The following MVB12B variants were observed in gnomAD, a reference collection of about 807,000 sequenced individuals.
The protein encoded by MVB12B is ESCRT-I complex subunit MVB12B.
Under a neutral mutation model 41.6 loss-of-function variants are expected in MVB12B, and 16 were observed. The ratio of observed to expected loss-of-function variants is 0.38; its 90% CI spans 0.26 to 0.58. The LOEUF (loss-of-function observed/expected upper bound fraction) is 0.58, where lower values mean the gene tolerates loss of function less well. Among genes scored for constraint, MVB12B ranks in the 20% least tolerant of loss-of-function variants. The pLI is 0.62. For missense variants in MVB12B, 274 were observed against 380.2 expected (o/e 0.72, Z 2.32); for synonymous variants, 133 against 139.7 (o/e 0.95, Z 0.34).
intron 6 of MVB12B, among the ~76,000 whole-genome samples, chr9:126,399,443 C>T (rs1312976731): frequency 6.6e-6 from 1 of 152,190 alleles, no homozygotes; most frequent in East Asian, 1.9e-4. Flanking sequence ...CTTTGTGAGT[C>T]AGCCTTGGGC....
chr9:126,386,458 C>T lies in MVB12B; in HGVS notation c.313-104C>T. On this transcript the variant is annotated intron_variant, in intron 3 of 9. Coordinates refer to ENST00000361171, the MANE Select transcript of MVB12B (RefSeq NM_033446.3). This position sits in a 1 kb window ranked among gnomAD's most constrained non-coding sequence, Gnocchi z 4.3. ...CTCTAATTAACCTGCTGTCATAAAG[C>T]TGCACGAGTCATTGTGTTAAATATG... 1 of 727,266 alleles carries T rather than the reference C, an allele frequency of 1.4e-6. No individual in the cohort carries two copies. The highest frequency in any genetic ancestry group is 2.1e-5 in the Admixed American group (1 of 48,670). 45.1% of individuals were successfully genotyped at this position (727,266 alleles called of 1,614,324 possible).
At chr9:126,370,381 T>TA (rs1830303523) in intron 2 of MVB12B, among the ~76,000 whole-genome samples, 1 of 140,026 alleles carries the variant, frequency 7.1e-6, no homozygotes, top group South Asian at 2.2e-4. Context: ...GAGGGGCTCT[T>TA]TTTTTTTTTT....
intron 2 of MVB12B, 149 bp from the exon 3 acceptor site, chr9:126,380,915 C>T (rs921002700): frequency 2.7e-5 from 15 of 563,110 alleles, no homozygotes; most frequent in Non-Finnish European, 4.4e-5. Context: ...TGGAAAATCT[C>T]ATCCCAGTGC....
intron 7 of MVB12B, among the ~76,000 whole-genome samples, chr9:126,452,434 G>A (rs4837085): frequency 0.59 from 90,441 of 152,060 alleles, 27,065 homozygotes; most frequent in East Asian, 0.73. Context: ...GGGCCCACGG[G>A]GTTGCCTGGG....
At chr9:126,416,579 G>A (rs1343301667) in intron 6 of MVB12B, among the ~76,000 whole-genome samples, 1 of 152,184 alleles carries the variant, frequency 6.6e-6, no homozygotes, top group Non-Finnish European at 1.5e-5. Flanking sequence ...CCCTGATTGA[G>A]TAGTCTCATT....
rs1279403118 is a variant in MVB12B at position 126,480,544 on chromosome 9, G to GGT, written c.758-823_758-822dup. 6.6e-6 allele frequency among the ~76,000 whole-genome samples: 1 copy of GGT among 152,144 alleles called. No homozygotes were observed. Among genetic ancestry groups the GGT allele is most frequent in the African/African-American group, 2.4e-5 (1 of 41,418 alleles). The stretch of plus-strand genomic sequence containing the variant: ...TCCCCTGGGACAGGGCGGAGGGAGG[G>GGT]GTGGCCACAGAAAAGGAACCAGGCC... On this transcript the variant is annotated intron_variant, in intron 7 of 9. Transcript: ENST00000361171. The surrounding 1 kb of genome is among the most constrained non-coding windows in gnomAD (Gnocchi z 4.9).
intron 7 of MVB12B, among the ~76,000 whole-genome samples, chr9:126,442,381 T>C (rs1832662604): frequency 6.6e-6 from 1 of 152,230 alleles, no homozygotes; most frequent in South Asian, 2.1e-4. Context: ...AGAGTAGACA[T>C]GGATGACCTT....
intron 2 of MVB12B, among the ~76,000 whole-genome samples, chr9:126,349,341 A>C (rs1829685831): frequency 6.6e-6 from 1 of 152,176 alleles, no homozygotes; most frequent in East Asian, 1.9e-4. Flanking sequence ...AGGCATGCAC[A>C]CAAGCAAGTC....
At chr9:126,460,022 G>A (rs530151104) in intron 7 of MVB12B, among the ~76,000 whole-genome samples, 2 of 152,328 alleles carry the variant, frequency 1.3e-5, no homozygotes, top group East Asian at 3.9e-4. Flanking sequence ...GGCCTCTGCA[G>A]TGTTCTATAA....
intron 6 of MVB12B, among the ~76,000 whole-genome samples, chr9:126,415,724 T>C (rs565653657): frequency 6.6e-5 from 10 of 152,204 alleles, no homozygotes; most frequent in Admixed American, 5.2e-4. Context: ...AAGCGCTCAC[T>C]GTGTACTGGG....
At chr9:126,414,338 A>G (rs1361607071) in intron 6 of MVB12B, among the ~76,000 whole-genome samples, 3 of 152,136 alleles carry the variant, frequency 2.0e-5, no homozygotes, top group Non-Finnish European at 4.4e-5. Flanking sequence ...AGAACAGCCA[A>G]TCCCTCCTGC....
intron 6 of MVB12B, chr9:126,396,498 A>G (rs1330204246): frequency 5.3e-5 from 52 of 985,406 alleles, no homozygotes; most frequent in Non-Finnish European, 5.8e-5. Flanking sequence ...GTGGGTGAAT[A>G]GAGATGAACA....
At chr9:126,501,055 CGGCCACCAGGT>C (rs1833945227) in intron 9 of MVB12B, among the ~76,000 whole-genome samples, 2 of 152,220 alleles carry the variant, frequency 1.3e-5, no homozygotes, top group South Asian at 2.1e-4. Context: ...TGTGCCCAGG[CGGCCACCAGGT>C]GGCAGTGTCC....
intron 5 of MVB12B, among the ~76,000 whole-genome samples, chr9:126,394,948 TA>T (rs1358053341): frequency 2.0e-5 from 3 of 152,014 alleles, no homozygotes; most frequent in African/African-American, 7.2e-5. Flanking sequence ...TGTGGTGTAG[TA>T]GGGGGCGGGG....
intron 2 of MVB12B, among the ~76,000 whole-genome samples, chr9:126,347,821 G>A (rs1829640583): frequency 6.6e-6 from 1 of 152,214 alleles, no homozygotes; most frequent in Non-Finnish European, 1.5e-5. Flanking sequence ...TGGGACATTG[G>A]CATATCCCGT....
chr9:126,398,619 T>C (rs1831184536), intron 6 of MVB12B, among the ~76,000 whole-genome samples: 1 of 152,216 alleles, frequency 6.6e-6, no homozygotes, highest in Admixed American at 6.5e-5. Flanking sequence ...GTGCGGTCTT[T>C]GTGTGGCGTG....
intron 9 of MVB12B, among the ~76,000 whole-genome samples, chr9:126,484,399 T>C (rs1564347852): frequency 1.3e-5 from 2 of 152,228 alleles, no homozygotes; most frequent in Admixed American, 6.5e-5. Flanking sequence ...TTTTATTATT[T>C]GCCACCAGGA....
intron 9 of MVB12B, among the ~76,000 whole-genome samples, chr9:126,496,536 C>T (rs1411681724): frequency 6.7e-6 from 1 of 149,010 alleles, no homozygotes; most frequent in East Asian, 2.0e-4. Context: ...AGCTGAGGCT[C>T]CACAGCTGCC....
At position 126,466,951 on chromosome 9, in the gene MVB12B, C is replaced by T. The variant is rs563508478; in HGVS notation, c.758-14418C>T. Among the ~76,000 whole-genome samples, 84 of 152,226 alleles carry T rather than the reference C, an allele frequency of 5.5e-4. 1 individual carries two copies. The highest frequency in any genetic ancestry group is 6.8e-3 in the Middle Eastern group (2 of 294). ...CAAGTGATCCTCCTGCTTCAGCCTC[C>T]CGAGTAGCTGGGACCACAGGCATGT... On this transcript the variant is annotated intron_variant, in intron 7 of 9. Coordinates refer to ENST00000361171, the MANE Select transcript of MVB12B (RefSeq NM_033446.3).
Sources: gnomAD v4.1 joint callset for allele counts (sites outside exome capture counted in the v4.1 genomes callset) on GRCh38, gnomAD v4.1.1 for gene constraint, Gnocchi (gnomAD v3.1) non-coding constraint, MANE v1.5 for transcripts, NCBI Gene and HGNC (gene_info 2026-07-23, HGNC 2026-07-21) for gene names.